The following FAM135A variants were observed in gnomAD, a reference collection of about 807,000 sequenced individuals.
The protein encoded by FAM135A is protein FAM135A.
In FAM135A, 79 loss-of-function variants were observed where a neutral mutation model predicts 146.8. The ratio of observed to expected loss-of-function variants is 0.54; its 90% CI spans 0.45 to 0.65. FAM135A has a LOEUF of 0.65. Ranked by LOEUF, FAM135A falls within the 30% of genes least tolerant of loss-of-function variation. FAM135A has a pLI of 0.00. For synonymous variants in FAM135A, 562 were observed against 603.6 expected, an observed-to-expected ratio of 0.93 and a Z score of 1.01; for missense variants, 1,623 against 1,758.2, an observed-to-expected ratio of 0.92 and a Z score of 1.38.
intron 5 of FAM135A, among the ~76,000 whole-genome samples, chr6:70,471,678 C>T (rs932196365): frequency 1.3e-5 from 2 of 152,076 alleles, no homozygotes; most frequent in Admixed American, 6.5e-5. Context: ...ACACATTTGC[C>T]AGTGTAACAA....
chr6:70,558,001 C>G (rs1582949989), intron 21 of FAM135A, among the ~76,000 whole-genome samples: 1 of 152,290 alleles, frequency 6.6e-6, no homozygotes, highest in Admixed American at 6.5e-5. Flanking sequence ...TCTTAACCTT[C>G]AGATGAGTAG....
chr6:70,446,760 G>C (rs1045402824), intron 4 of FAM135A, among the ~76,000 whole-genome samples: 1 of 152,152 alleles, frequency 6.6e-6, no homozygotes, highest in African/African-American at 2.4e-5. Flanking sequence ...ACTCACGGCA[G>C]TGGTGATCAC....
chr6:70,473,880 C>T lies in FAM135A; in HGVS notation c.158-1530C>T, dbSNP rs140196571. On this transcript the variant is annotated intron_variant, in intron 5 of 21. Transcript: ENST00000418814. Reference sequence around the variant, plus strand: ...AGATTCCTACACACCCTGTACCAGGCTGCTCCTCTGTAAAGACGCTCTCTC... The same window carrying T: ...AGATTCCTACACACCCTGTACCAGGTTGCTCCTCTGTAAAGACGCTCTCTC... 3.9e-5 allele frequency among the ~76,000 whole-genome samples: 6 copies of T among 152,328 alleles called. No individual in the cohort carries two copies. The East Asian group carries it at 1.2e-3, about 29-fold the overall frequency.
At chr6:70,438,892 T>G (rs988449974) in intron 4 of FAM135A, among the ~76,000 whole-genome samples, 4 of 152,062 alleles carry the variant, frequency 2.6e-5, no homozygotes, top group Non-Finnish European at 4.4e-5. Flanking sequence ...ACAGTGGGCT[T>G]ATGCCTGTAA....
At chr6:70,434,197 AG>A (rs1772416588) in intron 4 of FAM135A, among the ~76,000 whole-genome samples, 1 of 152,234 alleles carries the variant, frequency 6.6e-6, no homozygotes, top group African/African-American at 2.4e-5. Flanking sequence ...CCAAAGGAGA[AG>A]GAAATATTGC....
intron 10 of FAM135A, among the ~76,000 whole-genome samples, chr6:70,489,403 T>C (rs1388274595): frequency 6.6e-6 from 1 of 152,194 alleles, no homozygotes; most frequent in Non-Finnish European, 1.5e-5. Context: ...ACAATTTACT[T>C]GTATATTTTG....
chr6:70,512,956 G>A (rs916979687), intron 12 of FAM135A, among the ~76,000 whole-genome samples: 2 of 151,178 alleles, frequency 1.3e-5, no homozygotes, highest in African/African-American at 4.9e-5. Flanking sequence ...TTTTTAATTT[G>A]GTGTGAGGTG....
chr6:70,560,954 G>T lies in FAM135A; in HGVS notation c.*1033G>T, dbSNP rs1801786424. The T allele has an allele frequency of 6.6e-6, 1 of 152,538 alleles. No individual in the cohort carries two copies. Among genetic ancestry groups the T allele is most frequent in the Admixed American group, 6.5e-5 (1 of 15,282 alleles). The allele number at this position is 152,538 out of a possible 1,614,324, so 9.4% of individuals were successfully genotyped here. On this transcript the variant is annotated 3_prime_UTR_variant, in exon 22 of 22. Transcript: ENST00000418814. ...GTTGAGTCTTTTGACTTTACTAAAGGTGCTGAATAGCATTAAATTCACTAT... is the reference window on the plus strand; with the variant it reads ...GTTGAGTCTTTTGACTTTACTAAAGTTGCTGAATAGCATTAAATTCACTAT...
chr6:70,422,795 A>G (rs192154528), intron 2 of FAM135A, among the ~76,000 whole-genome samples: 1 of 152,204 alleles, frequency 6.6e-6, no homozygotes, highest in African/African-American at 2.4e-5. Context: ...TTTTCCTTAA[A>G]TATTAAGTTG....
chr6:70,491,010 T>C lies in FAM135A; in HGVS notation c.824-24T>C, dbSNP rs759361443. The C allele has an allele frequency of 7.8e-6, 12 of 1,535,792 alleles. No individual in the cohort carries two copies. In the South Asian group the frequency reaches 1.4e-4, roughly 18 times the overall value. ...ATTAAATATCTAACATTGGAATATTTCCTCTACTCTTTACTCCTTCCAGAG... is the reference window on the plus strand; with the variant it reads ...ATTAAATATCTAACATTGGAATATTCCCTCTACTCTTTACTCCTTCCAGAG... On this transcript the variant is annotated intron_variant, in intron 10 of 21. Transcript: ENST00000418814.
chr6:70,538,482 A>G (rs1397224933), intron 20 of FAM135A, 81 bp downstream of exon 20: 4 of 752,510 alleles, frequency 5.3e-6, no homozygotes, highest in Admixed American at 3.8e-5. Context: ...AATTATCAAC[A>G]TGTCTTTCTA....
At chr6:70,506,883 G>A (rs1170485547) in intron 12 of FAM135A, among the ~76,000 whole-genome samples, 1 of 151,834 alleles carries the variant, frequency 6.6e-6, no homozygotes, top group Non-Finnish European at 1.5e-5. Context: ...GTTCTGGGAA[G>A]AGAATGGTCG....
intron 12 of FAM135A, among the ~76,000 whole-genome samples, chr6:70,520,447 A>G (rs1793311158): frequency 6.6e-6 from 1 of 152,226 alleles, no homozygotes; most frequent in South Asian, 2.1e-4. Flanking sequence ...GAATTGTAAT[A>G]TAAATACTGT....
At chr6:70,487,385 G>A (rs772878110) in intron 10 of FAM135A, among the ~76,000 whole-genome samples, 31 of 151,862 alleles carry the variant, frequency 2.0e-4, no homozygotes, top group East Asian at 3.9e-4. Flanking sequence ...TTCACTTTGC[G>A]TTCAGTAAAC....
Position 70,529,024 on chromosome 6 carries a change from A to AT in FAM135A, c.3775+583dup, listed in dbSNP as rs112288799. ...CCTGCAAAGGACCTGAGCTCAGTGG[A>AT]TTTTTTTTTTTATCTTCTCTCTTAT... On this transcript the variant is annotated intron_variant, in intron 16 of 21. Transcript: ENST00000418814. Among the ~76,000 whole-genome samples, 659 of 145,888 alleles carry AT rather than the reference A, an allele frequency of 4.5e-3. 4 individuals carry two copies. Among genetic ancestry groups the AT allele is most frequent in the African/African-American group, 0.015 (602 of 39,808 alleles).
rs764535352 is a variant in FAM135A at position 70,526,121 on chromosome 6, C to A, written c.3037C>A (p.Pro1013Thr). ...LNLTQMYSEI[P>T]TVESETHLGT... is the part of the protein sequence containing the mutation. ...TCTCACACAGATGTATTCAGAAATC[C>A]CTACAGTTGAAAGTGAAACTCATCT... The change falls in exon 15 of 22, where the codon CCT becomes ACT. Residue 1013 changes from proline to threonine, a missense_variant. This residue lies in a region of FAM135A where 1,061 missense variants were observed against 1,113.8 expected (regional missense o/e 0.95). Coordinates refer to ENST00000418814, the MANE Select transcript of FAM135A (RefSeq NM_001162529.3). The A allele has an allele frequency of 6.2e-7, 1 of 1,613,436 alleles. No homozygotes were observed.
intron 2 of FAM135A, among the ~76,000 whole-genome samples, chr6:70,420,714 A>T (rs1220647506): frequency 6.6e-6 from 1 of 152,226 alleles, no homozygotes; most frequent in Non-Finnish European, 1.5e-5. Context: ...ATTAAAAATA[A>T]GTAAAATTAA....
chr6:70,423,880 T>C (rs1469795971), intron 2 of FAM135A, among the ~76,000 whole-genome samples: 1 of 152,230 alleles, frequency 6.6e-6, no homozygotes, highest in African/African-American at 2.4e-5. Flanking sequence ...GTACTTTAGA[T>C]CTGCAAGTCC....
intron 19 of FAM135A, 131 bp downstream of exon 19, chr6:70,536,542 A>C: frequency 6.8e-6 from 5 of 735,586 alleles, no homozygotes; most frequent in Non-Finnish European, 9.5e-6. Context: ...AAATGTAGCT[A>C]ATTTTCTGTT....
Sources: gnomAD v4.1 joint callset for allele counts (sites outside exome capture counted in the v4.1 genomes callset) on GRCh38, gnomAD v4.1.1 for gene constraint, gnomAD v4.1.1 regional missense constraint, MANE v1.5 for transcripts, NCBI Gene and HGNC (gene_info 2026-07-23, HGNC 2026-07-21) for gene names.